PTPRM: variants seen among roughly 807,000 people sequenced by gnomAD.
The protein encoded by PTPRM is protein tyrosine phosphatase receptor type M, also known as receptor-type tyrosine-protein phosphatase mu.
A neutral mutation model predicts 186.7 loss-of-function variants in PTPRM; 47 were observed. That is an observed-to-expected ratio of 0.25 (90% CI 0.20 to 0.32). PTPRM has a LOEUF of 0.32. PTPRM is among the 10% of genes least tolerant of loss of function. PTPRM has a pLI of 1.00. For synonymous variants in PTPRM, 668 were observed against 674.9 expected (o/e 0.99, Z 0.16); for missense variants, 1,494 against 1,865.0 (o/e 0.80, Z 3.66).
At chr18:7,855,752 T>C (rs538485589) in intron 2 of PTPRM, among the ~76,000 whole-genome samples, 79 of 152,312 alleles carry the variant, frequency 5.2e-4, no homozygotes, top group South Asian at 3.5e-3. Flanking sequence ...GAGCCCTCCA[T>C]CTGAGAAGAC....
At position 8,007,615 on chromosome 18, in the gene PTPRM, A is replaced by T. The variant is rs996986514; in HGVS notation, c.1132+52201A>T. 2.0e-5 allele frequency among the ~76,000 whole-genome samples: 3 copies of T among 152,298 alleles called. No homozygotes were observed. In the East Asian group the frequency reaches 5.8e-4, roughly 29 times the overall value. On this transcript the variant is annotated intron_variant, in intron 7 of 32. Transcript: ENST00000580170. ...AAAAGGAGATGTCTGACCACTGTTC[A>T]TCCCGATCTAACAAGCAGTAAGATA...
intron 2 of PTPRM, among the ~76,000 whole-genome samples, chr18:7,880,261 A>G (rs1022571789): frequency 1.3e-5 from 2 of 152,200 alleles, no homozygotes; most frequent in African/African-American, 2.4e-5. Context: ...GTTTTACTTC[A>G]GCTTCCCTGT....
intron 2 of PTPRM, among the ~76,000 whole-genome samples, chr18:7,881,888 T>G (rs2048527351): frequency 6.6e-6 from 1 of 152,226 alleles, no homozygotes; most frequent in Non-Finnish European, 1.5e-5. Flanking sequence ...CTCTTCATTT[T>G]CTTCTGCAAC....
At chr18:8,284,502 T>A (rs368077359) in intron 19 of PTPRM, among the ~76,000 whole-genome samples, 7 of 152,150 alleles carry the variant, frequency 4.6e-5, no homozygotes, top group African/African-American at 1.7e-4. Flanking sequence ...TGTGAAACAT[T>A]AGAGGAGTTT....
intron 1 of PTPRM, among the ~76,000 whole-genome samples, chr18:7,717,066 C>A (rs1598427125): frequency 6.6e-6 from 1 of 152,174 alleles, no homozygotes; most frequent in African/African-American, 2.4e-5. Context: ...TTGGAACCAA[C>A]CCAAATGCCC....
intron 11 of PTPRM, among the ~76,000 whole-genome samples, chr18:8,109,882 A>G: frequency 6.6e-6 from 1 of 152,218 alleles, no homozygotes; most frequent in East Asian, 1.9e-4. Flanking sequence ...CCTTAGGTTC[A>G]TTATTTAATT....
At chr18:8,384,362 G>A (rs1391937351) in intron 29 of PTPRM, among the ~76,000 whole-genome samples, 199 bp from the exon 30 acceptor site, 1 of 152,068 alleles carries the variant, frequency 6.6e-6, no homozygotes, top group African/African-American at 2.4e-5. Context: ...AGAGGTTTAG[G>A]TGCAAGGGTT....
chr18:8,176,533 C>T (rs1386295691), intron 14 of PTPRM, among the ~76,000 whole-genome samples: 1 of 152,190 alleles, frequency 6.6e-6, no homozygotes, highest in African/African-American at 2.4e-5. Context: ...TTTTATAGAA[C>T]ATTGCTGTCA....
intron 22 of PTPRM, among the ~76,000 whole-genome samples, chr18:8,337,881 A>G (rs1406832702): frequency 3.9e-5 from 6 of 152,316 alleles, no homozygotes; most frequent in Non-Finnish European, 7.4e-5. Flanking sequence ...TTATTAAAGA[A>G]TTTAGGGCTT....
At chr18:7,855,813 C>G (rs1013924166) in intron 2 of PTPRM, among the ~76,000 whole-genome samples, 4 of 152,190 alleles carry the variant, frequency 2.6e-5, no homozygotes, top group African/African-American at 9.6e-5. Flanking sequence ...ATTTGTGTAT[C>G]TTTGTGAACA....
At chr18:7,997,086 C>G (rs2083583368) in intron 7 of PTPRM, among the ~76,000 whole-genome samples, 1 of 152,054 alleles carries the variant, frequency 6.6e-6, no homozygotes, top group Non-Finnish European at 1.5e-5. Context: ...ATAACCAGAG[C>G]AATCTTAGCA....
chr18:7,857,180 CG>C (rs1226373664), intron 2 of PTPRM, among the ~76,000 whole-genome samples: 1 of 152,072 alleles, frequency 6.6e-6, no homozygotes, highest in Admixed American at 6.5e-5. Flanking sequence ...GGGCACATGA[CG>C]GGCAGGTTGA....
intron 1 of PTPRM, among the ~76,000 whole-genome samples, chr18:7,574,518 C>T (rs980205961): frequency 1.3e-5 from 2 of 152,104 alleles, no homozygotes; most frequent in African/African-American, 4.8e-5. Flanking sequence ...ATTTGTACGG[C>T]CCCTTTGTGG....
At chr18:8,339,976 T>C (rs762413066) in intron 22 of PTPRM, among the ~76,000 whole-genome samples, 1 of 151,656 alleles carries the variant, frequency 6.6e-6, no homozygotes, top group African/African-American at 2.4e-5. Flanking sequence ...CCCTATTTTC[T>C]ACCCTCAAAA....
chr18:7,891,258 CCTGGGTGACAGA>C (rs2049064709), intron 3 of PTPRM, among the ~76,000 whole-genome samples: 1 of 152,066 alleles, frequency 6.6e-6, no homozygotes, highest in East Asian at 1.9e-4. Flanking sequence ...TGCACTCCAG[CCTGGGTGACAGA>C]GTGAGACCTT....
rs559705504 is a variant in PTPRM at position 7,766,913 on chromosome 18, A to G, written c.74-7236A>G. Among the ~76,000 whole-genome samples the G allele has an allele frequency of 2.0e-5, 3 of 152,330 alleles. No individual in the cohort carries two copies. The East Asian group carries it at 5.8e-4, about 29-fold the overall frequency. ...TTTTTTTAAATTAAAATTAGGTAAT[A>G]CATGTTTATATTTGCATGGCTTTTG... On this transcript the variant is annotated intron_variant, in intron 1 of 32. Coordinates refer to ENST00000580170, the MANE Select transcript of PTPRM (RefSeq NM_001105244.2).
At chr18:7,649,792 TCAG>T (rs2038652718) in intron 1 of PTPRM, among the ~76,000 whole-genome samples, 1 of 151,914 alleles carries the variant, frequency 6.6e-6, no homozygotes, top group South Asian at 2.1e-4. Context: ...ACTCCAACCT[TCAG>T]CAGCCATTAC....
At chr18:7,589,706 A>G (rs2037073623) in intron 1 of PTPRM, among the ~76,000 whole-genome samples, 1 of 152,186 alleles carries the variant, frequency 6.6e-6, no homozygotes, top group Non-Finnish European at 1.5e-5. Context: ...CTGACATAAT[A>G]TAATGTAGAT....
intron 1 of PTPRM, among the ~76,000 whole-genome samples, chr18:7,651,798 G>A (rs1417822891): frequency 6.6e-5 from 10 of 151,888 alleles, no homozygotes; most frequent in South Asian, 4.2e-4. Context: ...CCATAAAACC[G>A]CTAGAAGAAA....
Sources: gnomAD v4.1 joint callset for allele counts (sites outside exome capture counted in the v4.1 genomes callset) on GRCh38, gnomAD v4.1.1 for gene constraint, MANE v1.5 for transcripts, NCBI Gene and HGNC (gene_info 2026-07-23, HGNC 2026-07-21) for gene names.